Variants in ZNF385D observed in about 807,000 individuals in gnomAD.
ZNF385D encodes zinc finger protein 659.
In ZNF385D, 15 loss-of-function variants were observed where a neutral mutation model predicts 35.8. The ratio of observed to expected loss-of-function variants is 0.42; its 90% CI spans 0.28 to 0.64. The LOEUF (loss-of-function observed/expected upper bound fraction) is 0.64. ZNF385D is among the 30% of genes least tolerant of loss of function. ZNF385D has a pLI of 0.23. For synonymous variants in ZNF385D, 212 were observed against 186.8 expected, an observed-to-expected ratio of 1.13 and a Z score of -1.10; for missense variants, 474 against 494.6, an observed-to-expected ratio of 0.96 and a Z score of 0.39.
At position 21,858,199 on chromosome 3, in the gene ZNF385D, T is replaced by C. The variant is rs377133662; in HGVS notation, c.326-193171A>G. ...GGGAAATACAATCCAATGTACTGTT[T>C]ATCTCAGAAACGTCAGAAAAAGTCA... is the stretch of plus-strand genomic sequence containing the variant. On this transcript the variant is annotated intron_variant, in intron 3 of 5. Transcript: ENST00000494108. Among the ~76,000 whole-genome samples, 15 of 151,138 alleles carry C rather than the reference T, an allele frequency of 9.9e-5. No individual in the cohort carries two copies. In the East Asian group the frequency reaches 1.6e-3, roughly 16 times the overall value.
chr3:21,922,371 T>C (rs73131325), intron 3 of ZNF385D, among the ~76,000 whole-genome samples: 3,058 of 152,190 alleles, frequency 0.02, 103 homozygotes, highest in African/African-American at 0.068. Context: ...AGGCATCACA[T>C]TGCCCAAATT....
At chr3:22,021,705 T>C (rs1697233901) in intron 3 of ZNF385D, among the ~76,000 whole-genome samples, 1 of 152,054 alleles carries the variant, frequency 6.6e-6, no homozygotes, top group African/African-American at 2.4e-5. Flanking sequence ...CTTAAAATGA[T>C]GAAAACTGGC....
chr3:21,795,091 T>C (rs955353668), intron 3 of ZNF385D, among the ~76,000 whole-genome samples: 3 of 152,200 alleles, frequency 2.0e-5, no homozygotes, highest in Non-Finnish European at 2.9e-5. Context: ...GAAGTTTTAA[T>C]ATAAAAGAAT....
At chr3:22,191,008 T>C (rs1237796972) in intron 2 of ZNF385D, among the ~76,000 whole-genome samples, 2 of 152,124 alleles carry the variant, frequency 1.3e-5, no homozygotes, top group East Asian at 3.9e-4. Context: ...CTATAAGAAA[T>C]ACGTGTGTTT....
intron 4 of ZNF385D, among the ~76,000 whole-genome samples, chr3:21,484,714 G>A (rs564806527): frequency 2.6e-5 from 4 of 152,208 alleles, no homozygotes; most frequent in African/African-American, 9.6e-5. Context: ...TCAGGGAGGA[G>A]AGGGAGAGGT....
At chr3:21,760,138 C>G (rs970201831) in intron 3 of ZNF385D, among the ~76,000 whole-genome samples, 17 of 152,142 alleles carry the variant, frequency 1.1e-4, no homozygotes, top group Admixed American at 6.5e-5. Flanking sequence ...CTCAAACATA[C>G]TAATAATCCT....
chr3:22,306,094 G>C (rs753186827), intron 2 of ZNF385D, among the ~76,000 whole-genome samples: 1 of 152,076 alleles, frequency 6.6e-6, no homozygotes, highest in Non-Finnish European at 1.5e-5. Flanking sequence ...AACTACAAAA[G>C]TCAGAATTCT....
chr3:21,922,291 A>G (rs1292619093), intron 3 of ZNF385D, among the ~76,000 whole-genome samples: 2 of 152,110 alleles, frequency 1.3e-5, no homozygotes. Flanking sequence ...AAAATTTTAT[A>G]AAAATCATGT....
chr3:21,900,954 A>C (rs1170078156), intron 3 of ZNF385D, among the ~76,000 whole-genome samples: 2 of 152,164 alleles, frequency 1.3e-5, no homozygotes, highest in African/African-American at 2.4e-5. Flanking sequence ...ACTAAGGTTC[A>C]GAGAGGTAAA....
chr3:21,477,758 G>A (rs1704346850), intron 4 of ZNF385D, among the ~76,000 whole-genome samples: 1 of 152,008 alleles, frequency 6.6e-6, no homozygotes, highest in Admixed American at 6.6e-5. Flanking sequence ...TTTCTCTGAT[G>A]TCCCAAAAAT....
intron 3 of ZNF385D, among the ~76,000 whole-genome samples, chr3:22,043,637 AG>A (rs67542636): frequency 8.6e-6 from 1 of 116,154 alleles, no homozygotes; most frequent in African/African-American, 3.1e-5. Context: ...CAGAGGAGAG[AG>A]GGTAGGTAAC....
At chr3:21,663,891 ATATAT>A (rs2066311727) in intron 2 of ZNF385D, among the ~76,000 whole-genome samples, 1 of 25,194 alleles carries the variant, frequency 4.0e-5, no homozygotes, top group African/African-American at 1.5e-4. Context: ...TGTGGGCCGA[ATATAT>A]ATATATATAT....
chr3:22,179,474 A>T (rs1695072280), intron 2 of ZNF385D, among the ~76,000 whole-genome samples: 1 of 152,274 alleles, frequency 6.6e-6, no homozygotes, highest in African/African-American at 2.4e-5. Flanking sequence ...TATCGGCTTA[A>T]GGAGATTTTG....
At chr3:21,863,697 C>A (rs1697180701) in intron 3 of ZNF385D, among the ~76,000 whole-genome samples, 1 of 152,132 alleles carries the variant, frequency 6.6e-6, no homozygotes, top group Middle Eastern at 3.4e-3. Flanking sequence ...TCGAAAAGAA[C>A]AAGAACTTGC....
chr3:22,061,544 C>T (rs1293594350), intron 3 of ZNF385D, among the ~76,000 whole-genome samples: 1 of 152,166 alleles, frequency 6.6e-6, no homozygotes, highest in Non-Finnish European at 1.5e-5. Context: ...CCCACAATAA[C>T]TCCAAAGTCT....
At chr3:21,541,627 C>T (rs2062178773) in intron 3 of ZNF385D, among the ~76,000 whole-genome samples, 1 of 152,062 alleles carries the variant, frequency 6.6e-6, no homozygotes, top group African/African-American at 2.4e-5. Context: ...AGGAACAAAC[C>T]CTCCTACTGT....
At chr3:21,913,732 C>T (rs372220461) in intron 3 of ZNF385D, among the ~76,000 whole-genome samples, 1 of 152,058 alleles carries the variant, frequency 6.6e-6, no homozygotes, top group Admixed American at 6.6e-5. Flanking sequence ...GAGATTAGAA[C>T]TCTTATTTGG....
intron 3 of ZNF385D, chr3:22,133,543 T>C (rs1488152164): frequency 6.6e-6 from 1 of 152,096 alleles, no homozygotes; most frequent in Non-Finnish European, 1.5e-5. Context: ...ACAGACTGCA[T>C]ATCTGGTTTG....
At chr3:21,841,601 G>C (rs948825919) in intron 3 of ZNF385D, among the ~76,000 whole-genome samples, 1 of 151,946 alleles carries the variant, frequency 6.6e-6, no homozygotes, top group Admixed American at 6.6e-5. Context: ...TTTGTGAATA[G>C]CCTGTTTATG....
Sources: gnomAD v4.1 joint callset for allele counts (sites outside exome capture counted in the v4.1 genomes callset) on GRCh38, gnomAD v4.1.1 for gene constraint, MANE v1.5 for transcripts, NCBI Gene and HGNC (gene_info 2026-07-23, HGNC 2026-07-21) for gene names.